NEMP2: variants seen among roughly 807,000 people sequenced by gnomAD.
NEMP2 encodes the protein nuclear envelope integral membrane protein 2.
A neutral mutation model predicts 54.2 loss-of-function variants in NEMP2; 53 were observed. The observed-to-expected ratio is 0.98, with a 90% confidence interval of 0.78 to 1.23. The LOEUF is 1.23. Among genes scored for constraint, NEMP2 ranks in the 50% most tolerant of loss-of-function variants. The probability of loss-of-function intolerance (pLI) is 0.00; values close to 1 mark genes in which losing one functional copy is unlikely to be tolerated. For missense variants in NEMP2, 455 were observed against 511.3 expected (o/e 0.89, Z 1.06); for synonymous variants, 197 against 190.3 (o/e 1.04, Z -0.29).
At chr2:190,555,030 A>G in the NEMP2 span, among the ~76,000 whole-genome samples, 1 of 152,106 alleles carries the variant, frequency 6.6e-6, no homozygotes, top group Admixed American at 6.6e-5. This position sits in a 1 kb window ranked among gnomAD's most constrained non-coding sequence, Gnocchi z 4.8. Flanking sequence ...TCTGGAGTGG[A>G]CCTCCAGCAA....
chr2:190,469,901 G>A, the NEMP2 span: 2 of 1,424,346 alleles, frequency 1.4e-6, no homozygotes, highest in Non-Finnish European at 2.0e-6. The surrounding 1 kb of genome is among the most constrained non-coding windows in gnomAD (Gnocchi z 5.3). Flanking sequence ...CCTTCCCTGA[G>A]CTGTGGCTAA....
At chr2:190,572,851 A>G in the NEMP2 span, among the ~76,000 whole-genome samples, 4 of 116,152 alleles carry the variant, frequency 3.4e-5, no homozygotes, top group African/African-American at 1.3e-4. Flanking sequence ...ATATATATAT[A>G]TATATATATA....
chr2:190,593,487 G>C, the NEMP2 span, among the ~76,000 whole-genome samples: 1 of 152,186 alleles, frequency 6.6e-6, no homozygotes, highest in Non-Finnish European at 1.5e-5. This position sits in a 1 kb window ranked among gnomAD's most constrained non-coding sequence, Gnocchi z 4.5. Context: ...TGAGGGAAGA[G>C]TGAAGAGTCT....
At chr2:190,432,843 C>G in the NEMP2 span, among the ~76,000 whole-genome samples, 1 of 147,228 alleles carries the variant, frequency 6.8e-6, no homozygotes, top group African/African-American at 2.5e-5. Context: ...CACACACACT[C>G]TCTCTCTCTC....
the NEMP2 span, chr2:190,436,338 T>C: frequency 1.2e-6 from 2 of 1,614,212 alleles, no homozygotes; most frequent in Non-Finnish European, 1.7e-6. The surrounding 1 kb of genome is among the most constrained non-coding windows in gnomAD (Gnocchi z 5.3). Context: ...CAAGCCAGAG[T>C]GGACTACTAG....
chr2:190,643,023 GTTTTTTTT>G, the NEMP2 span, among the ~76,000 whole-genome samples: 59 of 79,576 alleles, frequency 7.4e-4, no homozygotes, highest in African/African-American at 2.7e-3. Flanking sequence ...AATGGTTAAG[GTTTTTTTT>G]TTTTTTTTTT....
chr2:190,591,694 G>A, the NEMP2 span, among the ~76,000 whole-genome samples: 1,330 of 152,290 alleles, frequency 8.7e-3, 17 homozygotes, highest in African/African-American at 0.03. The surrounding 1 kb of genome is among the most constrained non-coding windows in gnomAD (Gnocchi z 5.4). Context: ...ACTGCTCATG[G>A]AAACCTTGTG....
At chr2:190,440,803 A>C in the NEMP2 span, among the ~76,000 whole-genome samples, 16 of 152,208 alleles carry the variant, frequency 1.1e-4, no homozygotes, top group Non-Finnish European at 7.3e-5. Context: ...ATTACTACTT[A>C]ATATTAGCAA....
chr2:190,490,904 CAGAA>C, the NEMP2 span, among the ~76,000 whole-genome samples: 2 of 152,154 alleles, frequency 1.3e-5, no homozygotes, highest in Non-Finnish European at 2.9e-5. This position sits in a 1 kb window ranked among gnomAD's most constrained non-coding sequence, Gnocchi z 4.5. Flanking sequence ...ATGAGTTACT[CAGAA>C]AGAGCAATAC....
At position 190,508,059 on chromosome 2, in the gene NEMP2, G is replaced by A. The variant is rs886194785; in HGVS notation, c.*1130C>T. 2 of 151,776 alleles carry A rather than the reference G, an allele frequency of 1.3e-5. No individual in the cohort carries two copies. The highest frequency in any genetic ancestry group is 2.9e-5 in the Non-Finnish European group (2 of 67,942). 9.4% of individuals were successfully genotyped at this position (151,776 alleles called of 1,614,324 possible). On this transcript the variant is annotated 3_prime_UTR_variant, in exon 9 of 9. Transcript: ENST00000409150. The surrounding 1 kb of genome is among the most constrained non-coding windows in gnomAD (Gnocchi z 4.3). ...ATTTCAATCTGGAGTTTAATATCAT[G>A]AATCAAGAAAAAAAATCATTTTATA...
chr2:190,436,414 A>T, the NEMP2 span: 1 of 1,614,022 alleles, frequency 6.2e-7, no homozygotes, highest in African/African-American at 1.3e-5. This position sits in a 1 kb window ranked among gnomAD's most constrained non-coding sequence, Gnocchi z 5.3. Context: ...AGACCGCTTT[A>T]AAAAAGGCAA....
At chr2:190,436,654 T>A in the NEMP2 span, 1 of 1,614,182 alleles carries the variant, frequency 6.2e-7, no homozygotes, top group South Asian at 1.1e-5. The surrounding 1 kb of genome is among the most constrained non-coding windows in gnomAD (Gnocchi z 5.3). Flanking sequence ...GCTCAATGTC[T>A]CAGACACCGT....
the NEMP2 span, chr2:190,477,367 T>A: frequency 1.0e-6 from 1 of 983,004 alleles, no homozygotes; most frequent in Non-Finnish European, 1.2e-6. Flanking sequence ...GCAGACTCTA[T>A]AAATAAAGAT....
In NEMP2 at chr2:190,514,583, G is replaced by T. The variant is rs1189414584; in HGVS notation, c.823C>A (p.Leu275Met). Residue 275 changes from leucine to methionine, a missense_variant, in exon 7 of 9, where the codon CTG becomes ATG. By Grantham distance (15) the Leu-to-Met change is conservative. This residue lies in a region of NEMP2 where 294 missense variants were observed against 333.6 expected (regional missense o/e 0.88). Coordinates refer to ENST00000409150, the MANE Select transcript of NEMP2 (RefSeq NM_001142645.2). The surrounding 1 kb of genome is among the most constrained non-coding windows in gnomAD (Gnocchi z 5.7). ...ACCAGAACCAGGGAGAGGAGTCGCAGCATCCACATCAGAAGACTTCTGCTC... is the reference window on the plus strand; with the variant it reads ...ACCAGAACCAGGGAGAGGAGTCGCATCATCCACATCAGAAGACTTCTGCTC... ...DRSRSLLMWM[L>M]RLLSLVLVYA... The T allele has an allele frequency of 2.6e-6, 4 of 1,551,626 alleles. No individual in the cohort carries two copies. In the East Asian group the frequency reaches 9.8e-5, roughly 38 times the overall value.
chr2:190,638,218 G>A, the NEMP2 span, among the ~76,000 whole-genome samples: 1 of 152,170 alleles, frequency 6.6e-6, no homozygotes. The surrounding 1 kb of genome is among the most constrained non-coding windows in gnomAD (Gnocchi z 5.7). Context: ...AGCCTGGACT[G>A]TTCCAAATTC....
the NEMP2 span, among the ~76,000 whole-genome samples, chr2:190,557,571 C>T: frequency 1.2e-4 from 18 of 151,946 alleles, no homozygotes; most frequent in Non-Finnish European, 2.2e-4. Flanking sequence ...TGCAATGTAT[C>T]CATCTGATAA....
downstream of NEMP2, chr2:190,500,017 G>T: frequency 6.2e-7 from 1 of 1,614,044 alleles, no homozygotes; most frequent in Non-Finnish European, 8.5e-7. The surrounding 1 kb of genome is among the most constrained non-coding windows in gnomAD (Gnocchi z 5.3). Flanking sequence ...ACCTCCAGGG[G>T]ACCAATGAGA....
chr2:190,500,360 G>A (rs1689969492), downstream of NEMP2: 1 of 820,414 alleles, frequency 1.2e-6, no homozygotes, highest in Non-Finnish European at 1.9e-6. This position sits in a 1 kb window ranked among gnomAD's most constrained non-coding sequence, Gnocchi z 5.3. Flanking sequence ...CATTAACATG[G>A]AAACACACAC....
At chr2:190,630,971 TG>T in the NEMP2 span, among the ~76,000 whole-genome samples, 5 of 151,374 alleles carry the variant, frequency 3.3e-5, no homozygotes, top group East Asian at 7.7e-4. The surrounding 1 kb of genome is among the most constrained non-coding windows in gnomAD (Gnocchi z 5.5). Context: ...GGGACCAGCC[TG>T]GCCAACATAG....
Sources: allele counts gnomAD v4.1 joint callset (sites outside exome capture counted in the v4.1 genomes callset), GRCh38; gene constraint gnomAD v4.1.1; regional missense constraint gnomAD v4.1.1; non-coding constraint Gnocchi (gnomAD v3.1); transcripts MANE v1.5; gene names NCBI Gene and HGNC (gene_info 2026-07-23, HGNC 2026-07-21).